ATRNL1: variants seen among roughly 807,000 people sequenced by gnomAD.
The protein encoded by ATRNL1 is attractin like 1, also known as attractin-like protein 1.
A neutral mutation model predicts 182.7 loss-of-function variants in ATRNL1; 95 were observed. The observed-to-expected ratio is 0.52, with a 90% CI of 0.44 to 0.62. ATRNL1 has a LOEUF of 0.62. ATRNL1 is among the 20% of genes least tolerant of loss of function. The probability of loss-of-function intolerance (pLI) is 0.00; values close to 1 mark genes in which losing one functional copy is unlikely to be tolerated. For missense variants in ATRNL1, 1,471 were observed against 1,679.5 expected (o/e 0.88, Z 2.17); for synonymous variants, 576 against 568.3 (o/e 1.01, Z -0.19).
rs78729216 is a variant in ATRNL1 at position 115,571,008 on chromosome 10, C to T, written c.3795+21472C>T. On this transcript the variant is annotated intron_variant, in intron 26 of 28. Coordinates refer to ENST00000355044, the MANE Select transcript of ATRNL1 (RefSeq NM_207303.4). ...AGCTTATCTCTCCCCAACATGGCACCGGCTGGGCCAGCTTCACTGGGGATG... is the reference window on the plus strand; with the variant it reads ...AGCTTATCTCTCCCCAACATGGCACTGGCTGGGCCAGCTTCACTGGGGATG... Among the ~76,000 whole-genome samples, 1,279 of 152,284 alleles carry T rather than the reference C, an allele frequency of 8.4e-3. 17 individuals carry two copies. Among genetic ancestry groups the T allele is most frequent in the African/African-American group, 0.029 (1,209 of 41,564 alleles).
intron 26 of ATRNL1, among the ~76,000 whole-genome samples, chr10:115,575,208 T>C (rs1854630611): frequency 6.6e-6 from 1 of 152,134 alleles, no homozygotes; most frequent in South Asian, 2.1e-4. Context: ...TAATGTTGAG[T>C]TTTAGAAAAT....
chr10:115,269,578 C>G (rs1191082634), intron 13 of ATRNL1, among the ~76,000 whole-genome samples: 1 of 152,092 alleles, frequency 6.6e-6, no homozygotes, highest in Non-Finnish European at 1.5e-5. Flanking sequence ...AAGTGATGTG[C>G]CCACCTCAGC....
intron 26 of ATRNL1, among the ~76,000 whole-genome samples, chr10:115,681,494 G>A (rs905723949): frequency 2.0e-5 from 3 of 152,060 alleles, no homozygotes; most frequent in African/African-American, 7.2e-5. Flanking sequence ...AGCAGGACTG[G>A]TATTCAAACC....
intron 26 of ATRNL1, among the ~76,000 whole-genome samples, chr10:115,671,988 A>G (rs1555041537): frequency 6.6e-6 from 1 of 152,166 alleles, no homozygotes; most frequent in Admixed American, 6.6e-5. Context: ...GGACACTGCC[A>G]CTAGATTTTT....
intron 26 of ATRNL1, among the ~76,000 whole-genome samples, chr10:115,576,933 T>C (rs1470287313): frequency 6.6e-6 from 1 of 151,876 alleles, no homozygotes; most frequent in Non-Finnish European, 1.5e-5. Context: ...TAATGGGCAT[T>C]TTCATTTCTT....
intron 26 of ATRNL1, among the ~76,000 whole-genome samples, chr10:115,704,576 G>A (rs1266494043): frequency 2.6e-5 from 4 of 151,550 alleles, no homozygotes; most frequent in Admixed American, 6.6e-5. Context: ...TTATTTTTAG[G>A]AAAAATATTA....
intron 17 of ATRNL1, among the ~76,000 whole-genome samples, chr10:115,305,800 C>T (rs761051694): frequency 2.0e-5 from 3 of 152,048 alleles, no homozygotes; most frequent in Non-Finnish European, 4.4e-5. Context: ...AAAGTGTATT[C>T]TCAAAAATGT....
intron 8 of ATRNL1, among the ~76,000 whole-genome samples, chr10:115,201,801 A>G (rs1554892477): frequency 6.6e-6 from 1 of 152,134 alleles, no homozygotes; most frequent in Non-Finnish European, 1.5e-5. Flanking sequence ...GATGGCATTG[A>G]ACCTATAAAT....
intron 28 of ATRNL1, among the ~76,000 whole-genome samples, chr10:115,925,015 A>AGT (rs1953180915): frequency 6.6e-6 from 1 of 152,106 alleles, no homozygotes; most frequent in Non-Finnish European, 1.5e-5. Flanking sequence ...AGCAATTGTG[A>AGT]ATGGGAGTAC....
At chr10:115,671,505 C>T (rs1054881096) in intron 26 of ATRNL1, among the ~76,000 whole-genome samples, 3 of 152,090 alleles carry the variant, frequency 2.0e-5, no homozygotes, top group Non-Finnish European at 4.4e-5. Flanking sequence ...ATTCGACCTG[C>T]CTTGTCTTTG....
At chr10:115,179,070 C>T (rs1847646415) in intron 8 of ATRNL1, among the ~76,000 whole-genome samples, 1 of 152,120 alleles carries the variant, frequency 6.6e-6, no homozygotes, top group Non-Finnish European at 1.5e-5. Context: ...ATTTTCATCA[C>T]ACTTTCCTTA....
At chr10:115,384,835 T>C (rs1554952180) in intron 19 of ATRNL1, among the ~76,000 whole-genome samples, 1 of 151,888 alleles carries the variant, frequency 6.6e-6, no homozygotes, top group Non-Finnish European at 1.5e-5. Flanking sequence ...TTTCTTTCAC[T>C]CAGCATTTTT....
chr10:115,387,238 C>T (rs1223032352), intron 19 of ATRNL1, among the ~76,000 whole-genome samples: 2 of 152,040 alleles, frequency 1.3e-5, no homozygotes, highest in African/African-American at 4.8e-5. Flanking sequence ...ACTACTATGC[C>T]GTCCTTTGTT....
intron 26 of ATRNL1, among the ~76,000 whole-genome samples, chr10:115,614,040 C>A (rs542185184): frequency 3.3e-5 from 5 of 151,776 alleles, no homozygotes; most frequent in Non-Finnish European, 5.9e-5. Flanking sequence ...CTGCTCTGAT[C>A]TTTGTTATTT....
At position 115,130,482 on chromosome 10, in the gene ATRNL1, G is replaced by C. The variant is rs1845180882; in HGVS notation, c.829+947G>C. Among the ~76,000 whole-genome samples the C allele has an allele frequency of 2.6e-5, 4 of 151,906 alleles. No homozygotes were observed. The South Asian group carries it at 8.3e-4, about 32-fold the overall frequency. On this transcript the variant is annotated intron_variant, in intron 5 of 28. Coordinates refer to ENST00000355044, the MANE Select transcript of ATRNL1 (RefSeq NM_207303.4). ...TACTTACTTAGAGGAATTATTTTAGGCTTTGTGTAAATTATGCCTGTCTTA... is the reference window on the plus strand; with the variant it reads ...TACTTACTTAGAGGAATTATTTTAGCCTTTGTGTAAATTATGCCTGTCTTA...
chr10:115,836,662 A>C (rs1950681055), intron 27 of ATRNL1, among the ~76,000 whole-genome samples: 1 of 152,214 alleles, frequency 6.6e-6, no homozygotes, highest in Non-Finnish European at 1.5e-5. Flanking sequence ...TATCAAAAGT[A>C]GGGCAGGCCT....
intron 26 of ATRNL1, among the ~76,000 whole-genome samples, chr10:115,621,274 T>TAGAG (rs1243070932): frequency 1.4e-3 from 68 of 48,200 alleles, no homozygotes; most frequent in African/African-American, 4.0e-3. Context: ...TATATATATA[T>TAGAG]ATAGAGAGAG....
At chr10:115,543,806 A>G (rs1177521064) in intron 25 of ATRNL1, among the ~76,000 whole-genome samples, 3 of 152,190 alleles carry the variant, frequency 2.0e-5, no homozygotes, top group African/African-American at 7.2e-5. Context: ...GAATAATAAA[A>G]TCAAGTTATT....
At chr10:115,104,881 A>G (rs990342086) in intron 1 of ATRNL1, among the ~76,000 whole-genome samples, 2 of 151,366 alleles carry the variant, frequency 1.3e-5, no homozygotes, top group Admixed American at 6.6e-5. Flanking sequence ...TGGGTTCCCT[A>G]TTCTGTAATT....
Sources: allele counts gnomAD v4.1 joint callset (sites outside exome capture counted in the v4.1 genomes callset), GRCh38; gene constraint gnomAD v4.1.1; transcripts MANE v1.5; gene names NCBI Gene and HGNC (gene_info 2026-07-23, HGNC 2026-07-21).